The following EVC2 variants were observed in gnomAD, a reference collection of about 807,000 sequenced individuals.
EVC2 encodes the protein EvC ciliary complex subunit 2.
In EVC2, 148 loss-of-function variants were observed where a neutral mutation model predicts 149.3. The observed-to-expected ratio is 0.99, with a 90% confidence interval of 0.87 to 1.14. EVC2 has a LOEUF of 1.14. Among genes scored for constraint, EVC2 ranks in the 50% most tolerant of loss-of-function variants. The probability of loss-of-function intolerance (pLI) is 0.00; values close to 1 mark genes in which losing one functional copy is unlikely to be tolerated. For synonymous variants in EVC2, 776 were observed against 649.9 expected, an observed-to-expected ratio of 1.19 and a Z score of -2.95; for missense variants, 1,854 against 1,627.3, an observed-to-expected ratio of 1.14 and a Z score of -2.40.
intron 14 of EVC2, among the ~76,000 whole-genome samples, chr4:5,621,932 C>T (rs1308633886): frequency 1.3e-5 from 2 of 152,104 alleles, no homozygotes; most frequent in Admixed American, 1.3e-4. Flanking sequence ...GCATCCTACT[C>T]AGAAGTGGAA....
intron 21 of EVC2, among the ~76,000 whole-genome samples, chr4:5,557,095 TA>T (rs1721853462): frequency 6.6e-6 from 1 of 151,820 alleles, no homozygotes; most frequent in South Asian, 2.1e-4. Flanking sequence ...AACTGTAATA[TA>T]AAAAACAGAT....
At chr4:5,603,463 G>T (rs577429892) in intron 16 of EVC2, among the ~76,000 whole-genome samples, 2 of 152,040 alleles carry the variant, frequency 1.3e-5, no homozygotes, top group Non-Finnish European at 2.9e-5. Flanking sequence ...GGACTATCAG[G>T]GTTCTCTCTT....
intron 21 of EVC2, among the ~76,000 whole-genome samples, chr4:5,546,956 T>C (rs894276094): frequency 6.6e-6 from 1 of 152,152 alleles, no homozygotes; most frequent in Non-Finnish European, 1.5e-5. Flanking sequence ...GTTGTGACTG[T>C]GGAACCAGGC....
At position 5,696,158 on chromosome 4, in the gene EVC2, C is replaced by T. The variant is rs1419204923; in HGVS notation, c.283+1435G>A. 6.6e-6 allele frequency among the ~76,000 whole-genome samples: 1 copy of T among 152,196 alleles called. No homozygotes were observed. The highest frequency in any genetic ancestry group is 1.9e-4 in the East Asian group (1 of 5,184). ...CATCTCCGGACCCCAGCACAGCACC[C>T]TGGGCCAGGGCACAAATGCTTGTGC... On this transcript the variant is annotated intron_variant, in intron 2 of 21. Coordinates refer to ENST00000344408, the MANE Select transcript of EVC2 (RefSeq NM_147127.5). The surrounding 1 kb of genome is among the most constrained non-coding windows in gnomAD (Gnocchi z 4.1).
At chr4:5,668,598 G>C (rs574361276) in intron 7 of EVC2, among the ~76,000 whole-genome samples, 8 of 152,282 alleles carry the variant, frequency 5.3e-5, no homozygotes, top group Non-Finnish European at 7.3e-5. Context: ...TGGAGGTTAT[G>C]TCAAAATATT....
At chr4:5,635,848 A>G (rs575105534) in intron 10 of EVC2, among the ~76,000 whole-genome samples, 1 of 152,278 alleles carries the variant, frequency 6.6e-6, no homozygotes, top group South Asian at 2.1e-4. Flanking sequence ...ATAGAAGACG[A>G]ACCCCAGAGG....
intron 16 of EVC2, 131 bp downstream of exon 16, chr4:5,615,291 G>C: frequency 6.9e-7 from 1 of 1,455,790 alleles, no homozygotes; most frequent in Non-Finnish European, 9.4e-7. Flanking sequence ...CTTAGCACCT[G>C]AGTGAGTGAG....
chr4:5,694,584 G>T, intron 2 of EVC2, 83 bp from the exon 3 acceptor site: 1 of 1,520,412 alleles, frequency 6.6e-7, no homozygotes, highest in Non-Finnish European at 9.1e-7. Context: ...CAGACTACAG[G>T]GTACATGGAA....
At chr4:5,534,818 GAAAA>G in the EVC2 span, among the ~76,000 whole-genome samples, 2 of 66,884 alleles carry the variant, frequency 3.0e-5, no homozygotes, top group African/African-American at 5.2e-5. Flanking sequence ...CATCTGGTAG[GAAAA>G]AAAAAAAAAA....
intron 8 of EVC2, 149 bp from the exon 9 acceptor site, chr4:5,663,395 G>T: frequency 9.6e-7 from 1 of 1,037,054 alleles, no homozygotes; most frequent in Non-Finnish European, 1.5e-6. Context: ...ACAAGCTTTT[G>T]CGAATGTCCC....
At chr4:5,706,811 T>C (rs1231754250) in intron 1 of EVC2, among the ~76,000 whole-genome samples, 3 of 152,120 alleles carry the variant, frequency 2.0e-5, no homozygotes, top group Non-Finnish European at 4.4e-5. Flanking sequence ...CCAGGGGACG[T>C]GCTCAAGATG....
intron 17 of EVC2, among the ~76,000 whole-genome samples, chr4:5,581,792 GA>G (rs1332931682): frequency 6.6e-6 from 1 of 152,206 alleles, no homozygotes; most frequent in African/African-American, 2.4e-5. Context: ...TAGGAGGGAA[GA>G]ATGGTTTCCT....
At chr4:5,650,043 C>T (rs1717998176) in intron 9 of EVC2, among the ~76,000 whole-genome samples, 1 of 152,172 alleles carries the variant, frequency 6.6e-6, no homozygotes, top group African/African-American at 2.4e-5. Flanking sequence ...CTGCAAGGTA[C>T]AAGAGGTCAG....
In EVC2 at chr4:5,708,349, C is replaced by G. The variant is rs1216900408; in HGVS notation, c.165G>C (p.Arg55Ser). Residue 55 changes from arginine to serine, a missense_variant, in exon 1 of 22, where the codon AGG becomes AGC. By Grantham distance (110) the Arg-to-Ser change is moderately radical. Transcript: ENST00000344408. ...QPPRDPQVAP[R>S]SGPGLRIPPG... Reference sequence around the variant, plus strand: ...GAGGGATCCTCAGGCCGGGCCCAGACCTAGGAGCCACCTGGGGATCCCGGG... The same window carrying G: ...GAGGGATCCTCAGGCCGGGCCCAGAGCTAGGAGCCACCTGGGGATCCCGGG... The G allele has an allele frequency of 6.7e-7, 1 of 1,486,890 alleles. No homozygotes were observed. The highest frequency in any genetic ancestry group is 8.9e-7 in the Non-Finnish European group (1 of 1,124,622). 92.1% of individuals were successfully genotyped at this position (1,486,890 alleles called of 1,614,324 possible).
At chr4:5,689,447 G>T (rs1303317780) in intron 4 of EVC2, 104 bp from the exon 5 acceptor site, 14 of 1,155,070 alleles carry the variant, frequency 1.2e-5, no homozygotes, top group Non-Finnish European at 1.8e-5. Context: ...CAGGAAGAAG[G>T]AGGGTAGCAC....
chr4:5,701,095 CAG>C (rs957034824), intron 1 of EVC2, among the ~76,000 whole-genome samples: 2 of 152,208 alleles, frequency 1.3e-5, no homozygotes, highest in Non-Finnish European at 2.9e-5. Context: ...TTCCAGCTTT[CAG>C]AGACTGCTGC....
Position 5,657,252 on chromosome 4 carries a change from C to T in EVC2, c.1145+5855G>A, listed in dbSNP as rs1438898366. ...TTTTACATTCCCACCTTTTCCTCCT[C>T]TGCTGTCCTCACCTTGAACTTCATT... On this transcript the variant is annotated intron_variant, in intron 9 of 21. Transcript: ENST00000344408. This position sits in a 1 kb window ranked among gnomAD's most constrained non-coding sequence, Gnocchi z 4.7. Among the ~76,000 whole-genome samples the T allele has an allele frequency of 6.6e-6, 1 of 152,194 alleles. No homozygotes were observed. The highest frequency in any genetic ancestry group is 1.5e-5 in the Non-Finnish European group (1 of 68,034).
chr4:5,579,491 G>T (rs1017896796), intron 17 of EVC2, among the ~76,000 whole-genome samples: 10 of 152,180 alleles, frequency 6.6e-5, no homozygotes, highest in Non-Finnish European at 1.5e-4. Context: ...AGAAAGCTCA[G>T]GTAGAATCAA....
chr4:5,534,318 C>A, the EVC2 span, among the ~76,000 whole-genome samples: 1 of 152,132 alleles, frequency 6.6e-6, no homozygotes, highest in Non-Finnish European at 1.5e-5. Flanking sequence ...TGCAGCAGTG[C>A]CCACAGCAGA....
Sources: allele counts gnomAD v4.1 joint callset (sites outside exome capture counted in the v4.1 genomes callset), GRCh38; gene constraint gnomAD v4.1.1; non-coding constraint Gnocchi (gnomAD v3.1); transcripts MANE v1.5; gene names NCBI Gene and HGNC (gene_info 2026-07-23, HGNC 2026-07-21).